Variants in CARD8 observed in about 807,000 individuals in gnomAD.
CARD8 encodes caspase recruitment domain-containing protein 8.
In CARD8, 38 loss-of-function variants were observed where a neutral mutation model predicts 53.2. The observed-to-expected ratio is 0.71, with a 90% CI of 0.55 to 0.94. The LOEUF is 0.94. Ranked by LOEUF, CARD8 falls within the 40% of genes least tolerant of loss-of-function variation. The probability of loss-of-function intolerance (pLI) is 0.00; values close to 1 mark genes in which losing one functional copy is unlikely to be tolerated. For missense variants in CARD8, 561 were observed against 655.5 expected, an observed-to-expected ratio of 0.86 and a Z score of 1.57; for synonymous variants, 245 against 244.9, an observed-to-expected ratio of 1.00 and a Z score of 0.00.
At chr19:48,228,710 C>T (rs1223998436) in intron 10 of CARD8, among the ~76,000 whole-genome samples, 5 of 151,792 alleles carry the variant, frequency 3.3e-5, no homozygotes, top group African/African-American at 7.3e-5. Context: ...TAGATTTTGG[C>T]GGGTGGAAGG....
rs1211734079 is a variant in CARD8, at chr19:48,211,872, A to G, written c.1452T>C (p.Asn484=). ...TTTCCTGCTCCACCAGCTCCTTCTC[A>G]TTCTCAGTAAGAACCTCATTGTCTT... ...DLQDNEVLTE[N]EKELVEQEKT... Residue 484 remains asparagine, a synonymous_variant, in exon 14 of 14, where the codon AAT becomes AAC. Coordinates refer to ENST00000651546, the MANE Select transcript of CARD8 (RefSeq NM_001184900.3). 6.2e-7 allele frequency: 1 copy of G among 1,613,842 alleles called. No homozygotes were observed. The highest frequency in any genetic ancestry group is 8.5e-7 in the Non-Finnish European group (1 of 1,179,990).
At chr19:48,250,051 C>A (rs1183131858) in intron 1 of CARD8, among the ~76,000 whole-genome samples, 1 of 152,118 alleles carries the variant, frequency 6.6e-6, no homozygotes, top group Non-Finnish European at 1.5e-5. Context: ...AATTTTTATA[C>A]CAATGTTTGT....
At position 48,230,877 on chromosome 19, in the gene CARD8, G is replaced by A; in HGVS notation, c.672C>T (p.His224=). 1.2e-6 allele frequency: 2 copies of A among 1,614,198 alleles called. No homozygotes were observed. Among genetic ancestry groups the A allele is most frequent in the Non-Finnish European group, 1.7e-6 (2 of 1,180,038 alleles). The change falls in exon 9 of 14, where the codon CAC becomes CAT. Residue 224 remains histidine (H), a synonymous_variant. Coordinates refer to ENST00000651546, the MANE Select transcript of CARD8 (RefSeq NM_001184900.3). Reference sequence around the variant, plus strand: ...GGCCGCCCACCAGCCACTGTTCATGGTGCTGCAGGTCCAGGGCCAGGTGCT... The same window carrying A: ...GGCCGCCCACCAGCCACTGTTCATGATGCTGCAGGTCCAGGGCCAGGTGCT... ...WSQHLALDLQ[H]HEQWLVGGPL...
At chr19:48,236,413 C>T (rs1283518356) in intron 5 of CARD8, among the ~76,000 whole-genome samples, 4 of 152,044 alleles carry the variant, frequency 2.6e-5, no homozygotes, top group Admixed American at 2.6e-4. Flanking sequence ...AGGGTTTCAT[C>T]ATGTTGGCCA....
At chr19:48,239,819 C>T (rs1053211683) in intron 4 of CARD8, among the ~76,000 whole-genome samples, 1 of 152,054 alleles carries the variant, frequency 6.6e-6, no homozygotes, top group African/African-American at 2.4e-5. Flanking sequence ...AGCTTGTGAA[C>T]AATATAAATG....
chr19:48,215,692 T>C (rs1170104645), intron 12 of CARD8, among the ~76,000 whole-genome samples: 2 of 152,212 alleles, frequency 1.3e-5, no homozygotes, highest in African/African-American at 4.8e-5. Context: ...TCAAAGTGTT[T>C]TAGACATGAA....
At chr19:48,250,599 G>C (rs1368943442) in intron 1 of CARD8, among the ~76,000 whole-genome samples, 1 of 152,160 alleles carries the variant, frequency 6.6e-6, no homozygotes, top group African/African-American at 2.4e-5. Flanking sequence ...CTGTAATTAA[G>C]ATTTGATGTC....
At chr19:48,216,605 G>A (rs2039360438) in intron 12 of CARD8, among the ~76,000 whole-genome samples, 1 of 152,222 alleles carries the variant, frequency 6.6e-6, no homozygotes, top group Admixed American at 6.5e-5. Context: ...AGTTTGCCCA[G>A]AGAAGGGGAG....
intron 10 of CARD8, chr19:48,223,998 G>A: frequency 2.3e-6 from 1 of 429,020 alleles, no homozygotes; most frequent in South Asian, 1.7e-5. Context: ...GTCTCGCTCT[G>A]TCACCCAGGC....
intron 1 of CARD8, among the ~76,000 whole-genome samples, chr19:48,252,691 T>C (rs904613464): frequency 2.0e-5 from 3 of 150,842 alleles, no homozygotes; most frequent in Admixed American, 1.3e-4. Flanking sequence ...AGAGACAGAG[T>C]TTCCCCACGT....
intron 13 of CARD8, among the ~76,000 whole-genome samples, chr19:48,212,482 T>C (rs2038207172): frequency 6.6e-6 from 1 of 152,202 alleles, no homozygotes; most frequent in South Asian, 2.1e-4. Flanking sequence ...AGATACAGAC[T>C]TTTTTCCATC....
intron 5 of CARD8, among the ~76,000 whole-genome samples, chr19:48,234,841 C>T (rs1186478387): frequency 6.6e-6 from 1 of 152,160 alleles, no homozygotes; most frequent in Admixed American, 6.5e-5. Context: ...ACATTGGTTT[C>T]ATAATAGGTC....
At position 48,249,734 on chromosome 19, in the gene CARD8, G is replaced by C; in HGVS notation, c.-155+17C>G. ...CTCCCCTAAAGTCACCACCTGCTGC[G>C]TTTCTGCAGCGCTTACCATGTGAGT... On this transcript the variant is annotated intron_variant, in intron 2 of 13. Transcript: ENST00000651546. The C allele has an allele frequency of 6.6e-6, 1 of 152,424 alleles. No individual in the cohort carries two copies. Among genetic ancestry groups the C allele is most frequent in the East Asian group, 1.9e-4 (1 of 5,332 alleles). 9.4% of individuals were successfully genotyped at this position (152,424 alleles called of 1,614,324 possible). A position where few individuals can be genotyped will look rare whatever the true frequency, so the allele number is the denominator to read the frequency against.
intron 10 of CARD8, among the ~76,000 whole-genome samples, chr19:48,227,373 G>C (rs933034665): frequency 6.6e-6 from 1 of 152,042 alleles, no homozygotes; most frequent in Non-Finnish European, 1.5e-5. Flanking sequence ...ATTCAGTTAC[G>C]AGACGAAGAA....
chr19:48,241,930 A>C (rs58783524), intron 3 of CARD8, among the ~76,000 whole-genome samples: 11,168 of 150,730 alleles, frequency 0.074, 689 homozygotes, highest in East Asian at 0.3. Context: ...CACCACCACA[A>C]TCAGTTTTAG....
At chr19:48,231,905 G>T in intron 7 of CARD8, 95 bp from the exon 8 acceptor site, 1 of 1,084,402 alleles carries the variant, frequency 9.2e-7, no homozygotes, top group Non-Finnish European at 1.4e-6. Flanking sequence ...GTGCTGTTGG[G>T]ATACAGATAT....
At position 48,209,247 on chromosome 19, in the gene CARD8, G is replaced by C. The variant is rs1599991378; in HGVS notation, c.*2463C>G. 1 of 151,720 alleles carries C rather than the reference G, an allele frequency of 6.6e-6. No homozygotes were observed. The highest frequency in any genetic ancestry group is 2.1e-4 in the South Asian group (1 of 4,810). The allele number at this position is 151,720 out of a possible 1,614,324, so 9.4% of individuals were successfully genotyped here. ...GGAGGCAGAGGTTGCAGTGAGCTGA[G>C]ATCGCACCACTGCACTCCAGCCTGG... On this transcript the variant is annotated 3_prime_UTR_variant, in exon 14 of 14. Coordinates refer to ENST00000651546, the MANE Select transcript of CARD8 (RefSeq NM_001184900.3).
intron 7 of CARD8, 100 bp downstream of exon 7, chr19:48,232,353 G>A (rs1485325589): frequency 1.3e-5 from 15 of 1,134,956 alleles, no homozygotes; most frequent in Non-Finnish European, 1.9e-5. Flanking sequence ...AAGCACTCCT[G>A]ATCTGCACAA....
intron 13 of CARD8, chr19:48,212,926 A>G (rs981735915): frequency 1.3e-5 from 2 of 152,288 alleles, no homozygotes. Flanking sequence ...AGGAAATGGC[A>G]TGATTGCCAT....
Sources: gnomAD v4.1 joint callset for allele counts (sites outside exome capture counted in the v4.1 genomes callset) on GRCh38, gnomAD v4.1.1 for gene constraint, MANE v1.5 for transcripts, NCBI Gene and HGNC (gene_info 2026-07-23, HGNC 2026-07-21) for gene names.